Variants in SLCO3A1 observed in about 807,000 individuals in gnomAD.
SLCO3A1 encodes the protein PGE1 transporter.
In SLCO3A1, 27 loss-of-function variants were observed where a neutral mutation model predicts 63.1. The ratio of observed to expected loss-of-function variants is 0.43; its 90% CI spans 0.32 to 0.59. The LOEUF (loss-of-function observed/expected upper bound fraction) is 0.59. SLCO3A1 is among the 20% of genes least tolerant of loss of function. The pLI is 0.09. For synonymous variants in SLCO3A1, 473 were observed against 409.9 expected, an observed-to-expected ratio of 1.15 and a Z score of -1.86; for missense variants, 773 against 945.8, an observed-to-expected ratio of 0.82 and a Z score of 2.40.
chr15:92,044,782 C>T (rs1248526336), intron 2 of SLCO3A1, among the ~76,000 whole-genome samples: 3 of 152,120 alleles, frequency 2.0e-5, no homozygotes, highest in African/African-American at 4.8e-5. Context: ...AAGTGCCACC[C>T]GATCTGTCCA....
intron 1 of SLCO3A1, among the ~76,000 whole-genome samples, chr15:91,895,339 T>C (rs1180353305): frequency 6.6e-6 from 1 of 151,734 alleles, no homozygotes; most frequent in Admixed American, 6.6e-5. Flanking sequence ...TAGCTGTGGG[T>C]TCATTTCTTC....
intron 1 of SLCO3A1, among the ~76,000 whole-genome samples, chr15:91,907,887 A>G (rs1033320396): frequency 6.6e-6 from 1 of 152,164 alleles, no homozygotes; most frequent in Admixed American, 6.5e-5. Flanking sequence ...GTGATCAGAG[A>G]GAACGATAGT....
At position 91,853,728 on chromosome 15, in the gene SLCO3A1, G is replaced by GGA; in HGVS notation, c.-180_-179insAG. ...AAGGGGCGATCGCGGCGGCGGCGGC[G>GGA]GCGGCGAGGAGCTGTGCCTTCCACC... On this transcript the variant is annotated 5_prime_UTR_variant, in exon 1 of 10. Coordinates refer to ENST00000318445, the MANE Select transcript of SLCO3A1 (RefSeq NM_013272.4). 1.8e-6 allele frequency: 1 copy of GGA among 550,502 alleles called. No homozygotes were observed. The highest frequency in any genetic ancestry group is 7.7e-5 in the South Asian group (1 of 12,930). 34.1% of individuals were successfully genotyped at this position (550,502 alleles called of 1,614,324 possible).
intron 2 of SLCO3A1, among the ~76,000 whole-genome samples, chr15:92,092,736 C>G (rs2047492049): frequency 1.3e-5 from 2 of 152,300 alleles, no homozygotes; most frequent in Admixed American, 1.3e-4. Flanking sequence ...CCCCCTAATT[C>G]TAGCCCATTC....
At chr15:92,014,606 C>T (rs2046405264) in intron 2 of SLCO3A1, among the ~76,000 whole-genome samples, 1 of 152,100 alleles carries the variant, frequency 6.6e-6, no homozygotes, top group Non-Finnish European at 1.5e-5. Flanking sequence ...CACAAAACAC[C>T]CACCTCTTCC....
chr15:91,918,264 A>G (rs1029272585), intron 2 of SLCO3A1, among the ~76,000 whole-genome samples: 31 of 152,182 alleles, frequency 2.0e-4, no homozygotes, highest in African/African-American at 6.8e-4. Flanking sequence ...GCCTTCTTGA[A>G]TTCTGAGGCC....
intron 1 of SLCO3A1, among the ~76,000 whole-genome samples, chr15:91,910,501 T>C (rs2151376151): frequency 6.6e-6 from 1 of 152,368 alleles, no homozygotes; most frequent in Non-Finnish European, 1.5e-5. Flanking sequence ...ACCAGTGATG[T>C]GGCTAGCTTT....
intron 2 of SLCO3A1, among the ~76,000 whole-genome samples, chr15:91,995,158 G>A (rs1442951102): frequency 6.6e-6 from 1 of 152,204 alleles, no homozygotes; most frequent in Non-Finnish European, 1.5e-5. Flanking sequence ...TGTGAAGTAT[G>A]TGTTGTGGAG....
chr15:92,064,746 A>C (rs763441178), intron 2 of SLCO3A1, among the ~76,000 whole-genome samples: 1 of 152,200 alleles, frequency 6.6e-6, no homozygotes, highest in Non-Finnish European at 1.5e-5. Context: ...GAACTGGAAG[A>C]CGTTATGAAA....
chr15:92,087,410 A>G (rs998975228), intron 2 of SLCO3A1, among the ~76,000 whole-genome samples: 1 of 152,192 alleles, frequency 6.6e-6, no homozygotes, highest in African/African-American at 2.4e-5. Flanking sequence ...GCTTCTTCAA[A>G]CATGTCTAGA....
chr15:92,101,473 C>T (rs1235681733), intron 3 of SLCO3A1, among the ~76,000 whole-genome samples: 1 of 151,944 alleles, frequency 6.6e-6, no homozygotes, highest in Non-Finnish European at 1.5e-5. Context: ...CACACCACTG[C>T]ACTCCAGCCT....
intron 9 of SLCO3A1, among the ~76,000 whole-genome samples, chr15:92,158,243 C>CAAAACCAG (rs1292540771): frequency 6.6e-6 from 1 of 152,168 alleles, no homozygotes; most frequent in Non-Finnish European, 1.5e-5. Flanking sequence ...CTGCACACTT[C>CAAAACCAG]AAAACCAGGC....
At chr15:92,041,656 C>T (rs1429491726) in intron 2 of SLCO3A1, among the ~76,000 whole-genome samples, 2 of 152,144 alleles carry the variant, frequency 1.3e-5, no homozygotes, top group African/African-American at 4.8e-5. Flanking sequence ...GTTGCAGAAT[C>T]TGAGGGATCT....
chr15:92,064,916 C>T (rs2047130827), intron 2 of SLCO3A1, among the ~76,000 whole-genome samples: 1 of 152,058 alleles, frequency 6.6e-6, no homozygotes, highest in Non-Finnish European at 1.5e-5. Flanking sequence ...TACAAAAATG[C>T]AGTTAGAGAG....
chr15:92,128,639 G>T, intron 7 of SLCO3A1, 150 bp downstream of exon 7: 1 of 685,494 alleles, frequency 1.5e-6, no homozygotes. Flanking sequence ...AGCAGGATGA[G>T]AGGACTGATT....
intron 2 of SLCO3A1, among the ~76,000 whole-genome samples, chr15:92,012,935 C>G (rs965971900): frequency 2.6e-5 from 4 of 152,180 alleles, no homozygotes; most frequent in African/African-American, 9.6e-5. Context: ...TGTAAAAGAA[C>G]AACTGCGGTA....
intron 2 of SLCO3A1, among the ~76,000 whole-genome samples, chr15:91,974,046 G>A (rs1900991670): frequency 6.6e-6 from 1 of 152,114 alleles, no homozygotes; most frequent in African/African-American, 2.4e-5. Context: ...GCACCAGTAG[G>A]TGACAAGGCA....
chr15:92,050,929 C>G (rs1223765189), intron 2 of SLCO3A1, among the ~76,000 whole-genome samples: 3 of 152,150 alleles, frequency 2.0e-5, no homozygotes, highest in Non-Finnish European at 2.9e-5. Context: ...ATGCTTTTCC[C>G]TCCACAGGTG....
chr15:91,962,725 C>T (rs1010085379), intron 2 of SLCO3A1, among the ~76,000 whole-genome samples: 2 of 152,040 alleles, frequency 1.3e-5, no homozygotes, highest in African/African-American at 4.8e-5. Context: ...ACCCCATCCC[C>T]AGCAGCACAC....
Sources: gnomAD v4.1 joint callset for allele counts (sites outside exome capture counted in the v4.1 genomes callset) on GRCh38, gnomAD v4.1.1 for gene constraint, MANE v1.5 for transcripts, NCBI Gene and HGNC (gene_info 2026-07-23, HGNC 2026-07-21) for gene names.